The following SYNE2 variants were observed in gnomAD, a reference collection of about 807,000 sequenced individuals.
The protein encoded by SYNE2 is spectrin repeat containing nuclear envelope protein 2, also known as nesprin-2.
A neutral mutation model predicts 856.3 loss-of-function variants in SYNE2; 431 were observed. The ratio of observed to expected loss-of-function variants is 0.50; its 90% CI spans 0.47 to 0.55. The LOEUF (loss-of-function observed/expected upper bound fraction) is 0.55, where lower values mean the gene tolerates loss of function less well. Among genes scored for constraint, SYNE2 ranks in the 20% least tolerant of loss-of-function variants. The pLI is 0.00. For missense variants in SYNE2, 8,129 were observed against 8,023.2 expected, an observed-to-expected ratio of 1.01 and a Z score of -0.50; for synonymous variants, 2,923 against 2,872.3, an observed-to-expected ratio of 1.02 and a Z score of -0.56.
intron 44 of SYNE2, among the ~76,000 whole-genome samples, chr14:64,030,464 T>G (rs917955558): frequency 2.0e-5 from 3 of 152,262 alleles, no homozygotes; most frequent in African/African-American, 4.8e-5. Flanking sequence ...TTATTCTAGT[T>G]CAAAGTAGCT....
chr14:64,100,531 AATATATATATATATATATATAT>A lies in SYNE2; in HGVS notation c.12382-1382_12382-1361del, dbSNP rs1204839640. 2.9e-3 allele frequency among the ~76,000 whole-genome samples: 113 copies of A among 39,486 alleles called. 4 individuals carry two copies. Among genetic ancestry groups the A allele is most frequent in the Middle Eastern group, 0.02 (1 of 50 alleles). 25.9% of individuals were successfully genotyped at this position (39,486 alleles called of 152,430 possible). A position where few individuals can be genotyped will look rare whatever the true frequency, so the allele number is the denominator to read the frequency against. ...AACTGTCTCAAAAAAAAAAAAAAAAAATATATATATATATATATATATATATATATATATATATATTTATGAC... is the reference window on the plus strand; with the variant it reads ...AACTGTCTCAAAAAAAAAAAAAAAAAATATATATATATATATATTTATGAC... On this transcript the variant is annotated intron_variant, in intron 63 of 115. Coordinates refer to ENST00000555002, the MANE Select transcript of SYNE2 (RefSeq NM_182914.3).
At chr14:63,873,584 G>A (rs2094640409) in intron 1 of SYNE2, 1 of 152,068 alleles carries the variant, frequency 6.6e-6, no homozygotes, top group Non-Finnish European at 1.5e-5. Context: ...TAGAGATGGG[G>A]TTTCACTGTG....
chr14:63,810,566 A>G (rs182793213), intron 1 of SYNE2, among the ~76,000 whole-genome samples: 1 of 152,126 alleles, frequency 6.6e-6, no homozygotes, highest in Non-Finnish European at 1.5e-5. Flanking sequence ...GAAGAAACTG[A>G]TGGGTTCATG....
Position 64,075,994 on chromosome 14 carries a change from T to C in SYNE2, c.10916T>C (p.Met3639Thr), listed in dbSNP as rs749636885. The C allele has an allele frequency of 1.9e-6, 3 of 1,613,946 alleles. No individual in the cohort carries two copies. Among genetic ancestry groups the C allele is most frequent in the Non-Finnish European group, 2.5e-6 (3 of 1,179,866 alleles). The change falls in exon 54 of 116, where the codon ATG (methionine) becomes ACG (threonine). Residue 3639 changes from methionine to threonine, a missense_variant. Around this residue, in one of 3 missense-constraint regions of SYNE2, gnomAD observed 5,410 missense variants for 5,284.8 expected, o/e 1.02. Coordinates refer to ENST00000555002, the MANE Select transcript of SYNE2 (RefSeq NM_182914.3). ...GGGAAACTAACTTTTGAGAATATTA[T>C]GGAAAAACTGCGAATCAAGTATTCC... The part of the protein sequence containing the change: ...KKGKLTFENI[M>T]EKLRIKYSEM...
intron 1 of SYNE2, among the ~76,000 whole-genome samples, chr14:63,769,377 C>T (rs1438796417): frequency 6.6e-6 from 1 of 151,962 alleles, no homozygotes; most frequent in East Asian, 1.9e-4. Context: ...GAGTTCAAGA[C>T]TCACCTGGAG....
intron 1 of SYNE2, among the ~76,000 whole-genome samples, chr14:63,789,508 G>A (rs938690889): frequency 6.6e-5 from 10 of 152,100 alleles, no homozygotes; most frequent in African/African-American, 2.2e-4. Context: ...CTGGCCGGGC[G>A]CAGTGGCTCA....
intron 111 of SYNE2, among the ~76,000 whole-genome samples, chr14:64,221,090 G>C (rs1401451235): frequency 6.6e-6 from 1 of 152,030 alleles, no homozygotes; most frequent in African/African-American, 2.4e-5. Flanking sequence ...CCTTAAAAAG[G>C]TTCTTTTTAG....
intron 99 of SYNE2, among the ~76,000 whole-genome samples, chr14:64,199,999 G>A (rs976446280): frequency 3.3e-5 from 5 of 151,612 alleles, no homozygotes; most frequent in South Asian, 2.1e-4. Context: ...CCCCCTCTGC[G>A]TGTTGCACAC....
At chr14:63,910,305 C>T (rs1035477563) in intron 2 of SYNE2, among the ~76,000 whole-genome samples, 1 of 151,996 alleles carries the variant, frequency 6.6e-6, no homozygotes, top group African/African-American at 2.4e-5. Flanking sequence ...AGTGATTTGG[C>T]AAAATAAAAT....
In SYNE2 at chr14:63,952,201, G is replaced by A. The variant is rs1048357304; in HGVS notation, c.590+2195G>A. 5.3e-5 allele frequency among the ~76,000 whole-genome samples: 8 copies of A among 152,240 alleles called. No individual in the cohort carries two copies. In the South Asian group the frequency reaches 8.3e-4, roughly 16 times the overall value. On this transcript the variant is annotated intron_variant, in intron 7 of 115. Transcript: ENST00000555002. ...CCACCCTCTAAGGTCTGGCAGCACC[G>A]TCTTTGTGGTATTGGCTTTGGCTCA...
At chr14:64,100,531 A>AAAAAAAAAAAAAAAAATATAT (rs1491537041) in intron 63 of SYNE2, among the ~76,000 whole-genome samples, 1 of 39,496 alleles carries the variant, frequency 2.5e-5, no homozygotes, top group African/African-American at 9.2e-5. Flanking sequence ...AAAAAAAAAA[A>AAAAAAAAAAAAAAAAATATAT]ATATATATAT....
chr14:64,117,628 A>G (rs577691541), intron 66 of SYNE2, among the ~76,000 whole-genome samples: 3 of 152,108 alleles, frequency 2.0e-5, no homozygotes, highest in Non-Finnish European at 2.9e-5. Flanking sequence ...CCTCATATAC[A>G]TATCCTGAAG....
intron 57 of SYNE2, among the ~76,000 whole-genome samples, chr14:64,084,002 G>A (rs1338742654): frequency 6.7e-6 from 1 of 150,290 alleles, no homozygotes; most frequent in Non-Finnish European, 1.5e-5. Flanking sequence ...TTGGCTCACC[G>A]CAACCTCCAC....
At chr14:64,079,141 G>A (rs2097497662) in intron 55 of SYNE2, among the ~76,000 whole-genome samples, 2 of 152,214 alleles carry the variant, frequency 1.3e-5, no homozygotes, top group South Asian at 4.1e-4. Flanking sequence ...TTGTGAACTA[G>A]CATTTTCACA....
intron 1 of SYNE2, among the ~76,000 whole-genome samples, chr14:63,795,016 CT>C (rs1484746146): frequency 2.0e-5 from 3 of 152,140 alleles, no homozygotes; most frequent in Non-Finnish European, 4.4e-5. Context: ...GGTGATCCTC[CT>C]ACCTCAGCCT....
intron 93 of SYNE2, among the ~76,000 whole-genome samples, chr14:64,169,487 C>T (rs574228785): frequency 6.6e-6 from 1 of 152,356 alleles, no homozygotes; most frequent in South Asian, 2.1e-4. Flanking sequence ...TCTGCTAATG[C>T]TGAGTGAGTC....
At chr14:63,924,340 A>T (rs766078702) in intron 2 of SYNE2, among the ~76,000 whole-genome samples, 5 of 152,072 alleles carry the variant, frequency 3.3e-5, no homozygotes, top group Non-Finnish European at 7.4e-5. Flanking sequence ...AGCTATCCTG[A>T]GTCACTTGCA....
intron 1 of SYNE2, among the ~76,000 whole-genome samples, chr14:63,769,906 A>T (rs1886839507): frequency 6.6e-6 from 1 of 151,640 alleles, no homozygotes; most frequent in Non-Finnish European, 1.5e-5. Flanking sequence ...CTCAAAAAAA[A>T]ATTCTAGGGG....
chr14:64,208,704 C>A, intron 100 of SYNE2, 54 bp from the exon 101 acceptor site: 1 of 1,591,300 alleles, frequency 6.3e-7, no homozygotes, highest in Non-Finnish European at 8.6e-7. Flanking sequence ...TTGATGCTGA[C>A]CCTCCTGCTG....
Sources: gnomAD v4.1 joint callset for allele counts (sites outside exome capture counted in the v4.1 genomes callset) on GRCh38, gnomAD v4.1.1 for gene constraint, gnomAD v4.1.1 regional missense constraint, MANE v1.5 for transcripts, NCBI Gene and HGNC (gene_info 2026-07-23, HGNC 2026-07-21) for gene names.